The following PCSK6 variants were observed in gnomAD, a reference collection of about 807,000 sequenced individuals.
PCSK6 encodes the protein paired basic amino acid cleaving enzyme 4.
A neutral mutation model predicts 123.3 loss-of-function variants in PCSK6; 85 were observed. That is an observed-to-expected ratio of 0.69 (90% CI 0.58 to 0.83). The LOEUF is 0.83. Ranked by LOEUF, PCSK6 falls within the 40% of genes least tolerant of loss-of-function variation. The pLI is 0.00. For missense variants in PCSK6, 1,191 were observed against 1,282.3 expected, an observed-to-expected ratio of 0.93 and a Z score of 1.09; for synonymous variants, 508 against 516.0, an observed-to-expected ratio of 0.98 and a Z score of 0.21.
intron 1 of PCSK6, 21 bp downstream of exon 1, chr15:101,489,353 C>G: frequency 4.4e-6 from 5 of 1,140,142 alleles, no homozygotes; most frequent in Non-Finnish European, 5.4e-6. Flanking sequence ...GTTTTGGGCG[C>G]GCGGGGCCGG....
intron 20 of PCSK6, among the ~76,000 whole-genome samples, chr15:101,311,652 C>A (rs114698651): frequency 0.012 from 806 of 69,744 alleles, 6 homozygotes; most frequent in South Asian, 0.017. Flanking sequence ...ACAGCTCACC[C>A]CATCGTCACC....
At chr15:101,329,166 A>G (rs752026) in intron 15 of PCSK6, among the ~76,000 whole-genome samples, 71,199 of 152,054 alleles carry the variant, frequency 0.47, 17,822 homozygotes, top group African/African-American at 0.63. Flanking sequence ...GATGGGCTTA[A>G]ACTGACACGG....
intron 15 of PCSK6, among the ~76,000 whole-genome samples, chr15:101,328,523 G>A (rs1338895252): frequency 6.6e-6 from 1 of 152,162 alleles, no homozygotes; most frequent in East Asian, 1.9e-4. Flanking sequence ...CAGACAGAAT[G>A]TTCTAGGATG....
In PCSK6 at chr15:101,438,937, T is replaced by C. The variant is rs1172197648; in HGVS notation, c.402+4619A>G. Among the ~76,000 whole-genome samples, 5 of 152,212 alleles carry C rather than the reference T, an allele frequency of 3.3e-5. No individual in the cohort carries two copies. The South Asian group carries it at 8.3e-4, about 25-fold the overall frequency. ...GCAGGGGAAGGTGGGGAGCCGTCTG[T>C]GCAAAAGCTCTGCAGAGGGAAAAAG... is the stretch of plus-strand genomic sequence containing the variant. On this transcript the variant is annotated intron_variant, in intron 2 of 21. Transcript: ENST00000611716.
At chr15:101,395,460 C>T (rs764109243) in intron 7 of PCSK6, among the ~76,000 whole-genome samples, 103 of 152,330 alleles carry the variant, frequency 6.8e-4, no homozygotes, top group Admixed American at 2.6e-3. Context: ...ATGAGACCAA[C>T]CCATCCTCAT....
At chr15:101,424,380 C>CA (rs113465560) in intron 6 of PCSK6, among the ~76,000 whole-genome samples, 27,983 of 150,984 alleles carry the variant, frequency 0.19, 2,888 homozygotes, top group African/African-American at 0.27. Flanking sequence ...TGTTGAAAGA[C>CA]AAAAAAAAAG....
chr15:101,391,477 G>C (rs1240299344), intron 8 of PCSK6, among the ~76,000 whole-genome samples: 1 of 152,238 alleles, frequency 6.6e-6, no homozygotes, highest in Non-Finnish European at 1.5e-5. Context: ...CTGAGTCCTA[G>C]TGCCACGCCT....
intron 1 of PCSK6, among the ~76,000 whole-genome samples, chr15:101,459,532 C>A (rs1287931402): frequency 7.3e-6 from 1 of 136,198 alleles, no homozygotes; most frequent in African/African-American, 2.8e-5. Flanking sequence ...TAAGTCCACA[C>A]CACCAGCTGC....
intron 6 of PCSK6, among the ~76,000 whole-genome samples, chr15:101,399,021 G>A (rs1046735496): frequency 1.3e-5 from 2 of 152,114 alleles, no homozygotes; most frequent in African/African-American, 4.8e-5. Flanking sequence ...TCCTGCCTCA[G>A]CCTCCCGAGT....
At chr15:101,447,168 C>T (rs1359562728) in intron 1 of PCSK6, among the ~76,000 whole-genome samples, 6 of 152,272 alleles carry the variant, frequency 3.9e-5, no homozygotes, top group African/African-American at 1.2e-4. Flanking sequence ...GCAGGGTCCA[C>T]CCCAGGTACG....
At chr15:101,395,753 G>A (rs1382564786) in intron 7 of PCSK6, among the ~76,000 whole-genome samples, 1 of 152,188 alleles carries the variant, frequency 6.6e-6, no homozygotes, top group African/African-American at 2.4e-5. Flanking sequence ...CCTGGGGAGG[G>A]AGAGTTCATT....
chr15:101,313,098 G>A (rs541409528), intron 20 of PCSK6: 117 of 1,377,778 alleles, frequency 8.5e-5, no homozygotes, highest in Non-Finnish European at 1.1e-4. Flanking sequence ...GGGACGTCCC[G>A]CGTAGTCCAC....
chr15:101,487,532 C>T (rs1335519274), intron 1 of PCSK6, among the ~76,000 whole-genome samples: 2 of 152,188 alleles, frequency 1.3e-5, no homozygotes, highest in African/African-American at 4.8e-5. Flanking sequence ...TAGAAATTTC[C>T]GGGGAGAGTT....
chr15:101,314,840 G>A (rs368032800), intron 19 of PCSK6, among the ~76,000 whole-genome samples: 4 of 152,180 alleles, frequency 2.6e-5, no homozygotes, highest in African/African-American at 7.2e-5. Flanking sequence ...GCTGTGCCCC[G>A]GGGGCGGGAC....
At chr15:101,340,474 T>C (rs986685211) in intron 13 of PCSK6, among the ~76,000 whole-genome samples, 1 of 152,222 alleles carries the variant, frequency 6.6e-6, no homozygotes, top group African/African-American at 2.4e-5. Flanking sequence ...CTCCAGCTTT[T>C]CCAAAGTAAT....
intron 11 of PCSK6, among the ~76,000 whole-genome samples, chr15:101,371,662 C>A (rs536269097): frequency 4.6e-5 from 7 of 152,094 alleles, no homozygotes; most frequent in Admixed American, 3.9e-4. Context: ...GTAGCTAATG[C>A]GGGGAGGAGC....
rs759039949 is a variant in PCSK6, at chr15:101,398,586, C to G, written c.824-10G>C. On this transcript the variant is annotated splice_polypyrimidine_tract_variant and intron_variant, in intron 6 of 21. Transcript: ENST00000611716. The surrounding 1 kb of genome is among the most constrained non-coding windows in gnomAD (Gnocchi z 4.6). ...TCCAGCATGCGGATGCCTGAAAGCACAGAGGAGGCTCGGTGTCGGCGCCCA... is the reference window on the plus strand; with the variant it reads ...TCCAGCATGCGGATGCCTGAAAGCAGAGAGGAGGCTCGGTGTCGGCGCCCA... The G allele has an allele frequency of 6.2e-7, 1 of 1,605,248 alleles. No individual in the cohort carries two copies. The highest frequency in any genetic ancestry group is 2.2e-5 in the East Asian group (1 of 44,690).
At position 101,378,524 on chromosome 15, in the gene PCSK6, G is replaced by A. The variant is rs180913432; in HGVS notation, c.1532+3568C>T. 7.2e-5 allele frequency among the ~76,000 whole-genome samples: 11 copies of A among 152,384 alleles called. No individual in the cohort carries two copies. The East Asian group carries it at 2.1e-3, about 29-fold the overall frequency. ...GCCCTACCCCGTGTGGGCTCCTGGA[G>A]AGGTGGCTCAGACATCAATACCTCA... On this transcript the variant is annotated intron_variant, in intron 11 of 21. Transcript: ENST00000611716.
chr15:101,370,640 G>T, intron 11 of PCSK6, 117 bp from the exon 12 acceptor site: 1 of 900,064 alleles, frequency 1.1e-6, no homozygotes, highest in Non-Finnish European at 1.5e-6. Context: ...GGCCCTGCGG[G>T]CCCCGGGGAG....
Sources: gnomAD v4.1 joint callset for allele counts (sites outside exome capture counted in the v4.1 genomes callset) on GRCh38, gnomAD v4.1.1 for gene constraint, Gnocchi (gnomAD v3.1) non-coding constraint, MANE v1.5 for transcripts, NCBI Gene and HGNC (gene_info 2026-07-23, HGNC 2026-07-21) for gene names.